Variants in SHANK2 observed in about 807,000 individuals in gnomAD.
SHANK2 encodes SH3 and multiple ankyrin repeat domains protein 2.
SHANK2 carries 43 observed loss-of-function variants against 133.7 expected under a neutral mutation model. The observed-to-expected ratio is 0.32, with a 90% CI of 0.25 to 0.41. SHANK2 has a LOEUF of 0.41. SHANK2 is among the 10% of genes least tolerant of loss of function. The probability of loss-of-function intolerance (pLI) is 1.00; values close to 1 mark genes in which losing one functional copy is unlikely to be tolerated. For missense variants in SHANK2, 1,994 were observed against 2,235.8 expected, an observed-to-expected ratio of 0.89 and a Z score of 2.18; for synonymous variants, 1,017 against 952.8, an observed-to-expected ratio of 1.07 and a Z score of -1.24.
chr11:71,152,494 C>G (rs1234810196), intron 2 of SHANK2, among the ~76,000 whole-genome samples: 1 of 152,222 alleles, frequency 6.6e-6, no homozygotes, highest in Non-Finnish European at 1.5e-5. Flanking sequence ...AGGAACAAAA[C>G]CAACAGCCCA....
At chr11:70,633,034 G>T (rs1366426395) in intron 17 of SHANK2, among the ~76,000 whole-genome samples, 3 of 152,028 alleles carry the variant, frequency 2.0e-5, no homozygotes, top group Non-Finnish European at 4.4e-5. Context: ...CCAGACCTGG[G>T]CATGAGGGGG....
intron 10 of SHANK2, among the ~76,000 whole-genome samples, chr11:70,911,389 A>G (rs976004690): frequency 1.3e-5 from 2 of 152,134 alleles, no homozygotes; most frequent in African/African-American, 2.4e-5. Context: ...ACAAAAAAAC[A>G]AAAAACAAAA....
At chr11:70,764,133 T>C (rs1947060960) in intron 14 of SHANK2, among the ~76,000 whole-genome samples, 1 of 87,954 alleles carries the variant, frequency 1.1e-5, no homozygotes, top group Non-Finnish European at 2.1e-5. Context: ...CATCAAGCCT[T>C]CCTTTATCTC....
chr11:71,167,560 T>C (rs1590980396), intron 2 of SHANK2, among the ~76,000 whole-genome samples: 2 of 108,130 alleles, frequency 1.8e-5, no homozygotes, highest in Non-Finnish European at 1.8e-5. Flanking sequence ...CCCACCTCCC[T>C]CCCGGACGGG....
chr11:71,158,381 T>C (rs1565485831), intron 2 of SHANK2, among the ~76,000 whole-genome samples: 1 of 151,108 alleles, frequency 6.6e-6, no homozygotes, highest in East Asian at 1.9e-4. Flanking sequence ...CAAAGTCAAC[T>C]AAAAAAAAAT....
At chr11:70,665,105 T>C (rs1260887122) in intron 15 of SHANK2, among the ~76,000 whole-genome samples, 10 of 152,188 alleles carry the variant, frequency 6.6e-5, no homozygotes, top group African/African-American at 2.4e-4. Context: ...CATCCAGGGC[T>C]AAAACCTTTT....
chr11:70,828,851 C>T (rs986960559), intron 11 of SHANK2, among the ~76,000 whole-genome samples: 5 of 152,236 alleles, frequency 3.3e-5, no homozygotes, highest in Admixed American at 6.5e-5. Flanking sequence ...GACTCAGTGA[C>T]GCTCAACACC....
intron 10 of SHANK2, among the ~76,000 whole-genome samples, chr11:70,949,758 C>T (rs1950805757): frequency 6.6e-6 from 1 of 152,246 alleles, no homozygotes; most frequent in African/African-American, 2.4e-5. Context: ...CTGGGCCAGC[C>T]TCTCTGGGCT....
At chr11:71,168,069 G>C (rs1361464903) in intron 2 of SHANK2, among the ~76,000 whole-genome samples, 2 of 142,504 alleles carry the variant, frequency 1.4e-5, no homozygotes, top group East Asian at 2.0e-4. Context: ...CTTCTCAGAC[G>C]GGGCGGTTGC....
chr11:70,769,792 C>CT (rs1466944465), intron 14 of SHANK2, among the ~76,000 whole-genome samples: 3 of 151,728 alleles, frequency 2.0e-5, no homozygotes, highest in Non-Finnish European at 4.4e-5. Flanking sequence ...TGTCTGTGTG[C>CT]AGGCATGCAC....
At chr11:71,221,984 G>A (rs1325762662) in intron 2 of SHANK2, among the ~76,000 whole-genome samples, 1 of 152,190 alleles carries the variant, frequency 6.6e-6, no homozygotes, top group Non-Finnish European at 1.5e-5. Flanking sequence ...TGGGACACCT[G>A]AGGAAGCAGG....
At chr11:71,194,525 G>A (rs535273564) in intron 2 of SHANK2, among the ~76,000 whole-genome samples, 74 of 152,300 alleles carry the variant, frequency 4.9e-4, no homozygotes, top group African/African-American at 1.7e-3. Flanking sequence ...TGGATCCAAA[G>A]AGCAGGTGCC....
At chr11:70,896,954 T>G (rs911232685) in intron 10 of SHANK2, among the ~76,000 whole-genome samples, 4 of 152,222 alleles carry the variant, frequency 2.6e-5, no homozygotes, top group Admixed American at 2.6e-4. Flanking sequence ...GGAGCCCTGT[T>G]TATCTGATTA....
rs558800084 is a variant in SHANK2, at chr11:70,554,944, CAG to C, written c.2062-52015_2062-52014del. Among the ~76,000 whole-genome samples, 272 of 151,110 alleles carry C rather than the reference CAG, an allele frequency of 1.8e-3. 1 individual carries two copies. The highest frequency in any genetic ancestry group is 6.3e-3 in the African/African-American group (259 of 41,090). On this transcript the variant is annotated intron_variant, in intron 17 of 25. Coordinates refer to ENST00000601538, the MANE Select transcript of SHANK2 (RefSeq NM_012309.5). ...AAATCGAAGGCCTGCAGCCACCCCACAGAGAGTCAGCCCATCAGCACCATTTT... is the reference window on the plus strand; with the variant it reads ...AAATCGAAGGCCTGCAGCCACCCCACAGAGTCAGCCCATCAGCACCATTTT...
At chr11:70,829,484 C>T (rs1458662331) in intron 11 of SHANK2, among the ~76,000 whole-genome samples, 1 of 152,174 alleles carries the variant, frequency 6.6e-6, no homozygotes, top group Non-Finnish European at 1.5e-5. Flanking sequence ...CTGGCTTCCA[C>T]CCCTGGGGTC....
intron 1 of SHANK2, among the ~76,000 whole-genome samples, chr11:71,225,283 C>T (rs1322345028): frequency 3.3e-5 from 5 of 152,182 alleles, no homozygotes; most frequent in African/African-American, 7.2e-5. Context: ...CAGCAAAGGC[C>T]GAGTAGGGAG....
rs1555154442 is a variant in SHANK2 at position 70,487,401 on chromosome 11, T to G, written c.2892A>C (p.Glu964Asp). ...RELDRYSLDS[E>D]DLYSRNAGPQ... ...GGCCGGCATTCCGACTGTAGAGGTC[T>G]TCAGAGTCCAAGGAGTAGCGGTCCA... The change falls in exon 25 of 26, where the codon GAA (glutamate) becomes GAC (aspartate). Residue 964 changes from glutamate (E) to aspartate (D), a missense_variant. Glu to Asp is a conservative substitution (Grantham distance 45, BLOSUM62 2). Transcript: ENST00000601538. This position sits in a 1 kb window ranked among gnomAD's most constrained non-coding sequence, Gnocchi z 5.8. 1 of 1,614,142 alleles carries G rather than the reference T, an allele frequency of 6.2e-7. No individual in the cohort carries two copies. Among genetic ancestry groups the G allele is most frequent in the Admixed American group, 1.7e-5 (1 of 60,032 alleles).
chr11:71,194,781 G>A (rs967327206), intron 2 of SHANK2, among the ~76,000 whole-genome samples: 3 of 152,158 alleles, frequency 2.0e-5, no homozygotes, highest in Non-Finnish European at 2.9e-5. Flanking sequence ...ACTTGAGCAG[G>A]GACTGGTGGA....
chr11:70,586,508 C>A (rs1419918283), intron 17 of SHANK2, among the ~76,000 whole-genome samples: 3 of 152,120 alleles, frequency 2.0e-5, no homozygotes, highest in Non-Finnish European at 2.9e-5. Flanking sequence ...CAGAGCTGGG[C>A]AGCCTGGACA....
Sources: allele counts gnomAD v4.1 joint callset (sites outside exome capture counted in the v4.1 genomes callset), GRCh38; gene constraint gnomAD v4.1.1; non-coding constraint Gnocchi (gnomAD v3.1); transcripts MANE v1.5; gene names NCBI Gene and HGNC (gene_info 2026-07-23, HGNC 2026-07-21).